The following LCORL variants were observed in gnomAD, a reference collection of about 807,000 sequenced individuals.
The protein encoded by LCORL is ligand dependent nuclear receptor corepressor like.
In LCORL, 41 loss-of-function variants were observed where a neutral mutation model predicts 141.8. The observed-to-expected ratio is 0.29, with a 90% CI of 0.23 to 0.38. The LOEUF (loss-of-function observed/expected upper bound fraction) is 0.38. Ranked by LOEUF, LCORL falls within the 10% of genes least tolerant of loss-of-function variation. The probability of loss-of-function intolerance (pLI) is 1.00; values close to 1 mark genes in which losing one functional copy is unlikely to be tolerated. For synonymous variants in LCORL, 618 were observed against 694.1 expected, an observed-to-expected ratio of 0.89 and a Z score of 1.72; for missense variants, 1,759 against 2,035.0, an observed-to-expected ratio of 0.86 and a Z score of 2.61.
chr4:17,851,314 G>A (rs920787084), intron 7 of LCORL, among the ~76,000 whole-genome samples: 1 of 151,910 alleles, frequency 6.6e-6, no homozygotes, highest in Non-Finnish European at 1.5e-5. Flanking sequence ...GTCATATAAT[G>A]GAAAGAAGTC....
At chr4:17,864,072 A>G (rs987462397) in intron 7 of LCORL, among the ~76,000 whole-genome samples, 4 of 152,310 alleles carry the variant, frequency 2.6e-5, no homozygotes, top group Non-Finnish European at 5.9e-5. Flanking sequence ...GGGTGATGAA[A>G]TAATCTATAC....
chr4:17,882,058 G>A lies in LCORL; in HGVS notation c.777-3845C>T, dbSNP rs138880564. ...TGAAGAGGGTTAAGTATAGATCTCAGAGACCAAATAACTGCTTGGTTGTGT... is the reference window on the plus strand; with the variant it reads ...TGAAGAGGGTTAAGTATAGATCTCAAAGACCAAATAACTGCTTGGTTGTGT... On this transcript the variant is annotated intron_variant, in intron 6 of 7. Transcript: ENST00000635767. 4.4e-5 allele frequency: 43 copies of A among 983,432 alleles called. No homozygotes were observed. The African/African-American group carries it at 6.3e-4, about 14-fold the overall frequency. The allele number at this position is 983,432 out of a possible 1,614,324, so 60.9% of individuals were successfully genotyped here.
chr4:18,013,561 A>C (rs1724135589), intron 1 of LCORL, among the ~76,000 whole-genome samples: 2 of 152,224 alleles, frequency 1.3e-5, no homozygotes, highest in South Asian at 4.1e-4. Flanking sequence ...ATTTGTGCCT[A>C]ATGTTACAAT....
chr4:17,944,958 C>T (rs1294014117), intron 4 of LCORL, among the ~76,000 whole-genome samples: 1 of 151,978 alleles, frequency 6.6e-6, no homozygotes, highest in Non-Finnish European at 1.5e-5. Flanking sequence ...CAATAGCAGA[C>T]AGTAAACTGC....
chr4:17,986,273 T>C (rs1560444789), intron 1 of LCORL, among the ~76,000 whole-genome samples: 1 of 152,184 alleles, frequency 6.6e-6, no homozygotes, highest in Non-Finnish European at 1.5e-5. Context: ...AGGGGTTCTC[T>C]GTATCTTCTG....
At chr4:17,928,113 T>C (rs1244451745) in intron 4 of LCORL, among the ~76,000 whole-genome samples, 1 of 152,142 alleles carries the variant, frequency 6.6e-6, no homozygotes, top group Non-Finnish European at 1.5e-5. Flanking sequence ...CATATAAAAA[T>C]CAGTCCACCC....
intron 1 of LCORL, among the ~76,000 whole-genome samples, chr4:17,981,863 C>A (rs1026967255): frequency 6.6e-6 from 1 of 151,974 alleles, no homozygotes; most frequent in East Asian, 1.9e-4. Context: ...AGCCTAATAC[C>A]CAATAGTTAT....
intron 5 of LCORL, among the ~76,000 whole-genome samples, chr4:17,889,507 C>T (rs971988818): frequency 6.6e-6 from 1 of 152,074 alleles, no homozygotes; most frequent in South Asian, 2.1e-4. Context: ...AGTTGCAATA[C>T]CATTAAGAAT....
exon 8 of LCORL, chr4:17,843,568 G>A: frequency 2.4e-6 from 2 of 850,504 alleles, no homozygotes; most frequent in South Asian, 1.8e-5. Context: ...ACTTTGGCCT[G>A]TATTAAAGCA....
chr4:17,931,344 T>C (rs1736006927), intron 4 of LCORL, among the ~76,000 whole-genome samples: 1 of 152,136 alleles, frequency 6.6e-6, no homozygotes, highest in Admixed American at 6.6e-5. Context: ...CTTTAATCTT[T>C]ATTATTTCCT....
intron 4 of LCORL, among the ~76,000 whole-genome samples, chr4:17,958,590 C>A (rs889643480): frequency 6.6e-6 from 1 of 151,948 alleles, no homozygotes; most frequent in Non-Finnish European, 1.5e-5. Flanking sequence ...TCCAAACAAA[C>A]TGGCTGATAT....
intron 7 of LCORL, among the ~76,000 whole-genome samples, chr4:17,846,578 T>C (rs761257857): frequency 2.6e-5 from 4 of 152,180 alleles, no homozygotes; most frequent in Non-Finnish European, 5.9e-5. Context: ...TTGTTTTTTC[T>C]GTTGAAAAAA....
intron 7 of LCORL, among the ~76,000 whole-genome samples, chr4:17,857,891 G>A (rs1305392464): frequency 6.6e-6 from 1 of 152,192 alleles, no homozygotes; most frequent in Non-Finnish European, 1.5e-5. Context: ...TCCCAGAACA[G>A]AGCCCAAGAA....
exon 8 of LCORL, chr4:17,843,520 T>A: frequency 7.1e-7 from 1 of 1,404,978 alleles, no homozygotes; most frequent in Non-Finnish European, 9.8e-7. Context: ...ACAAACCTGA[T>A]GTCTTTCTGA....
In LCORL at chr4:17,889,926, T is replaced by C. The variant is rs138149370; in HGVS notation, c.683-3765A>G. Among the ~76,000 whole-genome samples the C allele has an allele frequency of 3.3e-5, 5 of 152,174 alleles. No individual in the cohort carries two copies. The East Asian group carries it at 9.6e-4, about 29-fold the overall frequency. On this transcript the variant is annotated intron_variant, in intron 5 of 7. Coordinates refer to ENST00000635767, the Ensembl canonical transcript of LCORL. ...ACTCTTGGTAACCTCTCCCACCATT[T>C]TGTAGTGAATAATGTAGATAAAATT...
chr4:17,851,912 G>A (rs1723771666), intron 7 of LCORL, among the ~76,000 whole-genome samples: 1 of 152,016 alleles, frequency 6.6e-6, no homozygotes, highest in African/African-American at 2.4e-5. Flanking sequence ...TTTCTCTTAT[G>A]AATAAGGTTA....
chr4:17,959,085 A>G (rs1713262187), intron 4 of LCORL, among the ~76,000 whole-genome samples: 1 of 152,054 alleles, frequency 6.6e-6, no homozygotes, highest in Non-Finnish European at 1.5e-5. Context: ...TTTAAGTAAT[A>G]CGCTTCTTCC....
intron 1 of LCORL, among the ~76,000 whole-genome samples, chr4:18,012,736 T>G (rs529538219): frequency 5.3e-5 from 8 of 152,332 alleles, no homozygotes; most frequent in Middle Eastern, 3.4e-3. Context: ...CTATCCCATT[T>G]CTTTATCTAA....
At chr4:17,842,428 T>C in exon 8 of LCORL, 2 of 1,481,326 alleles carry the variant, frequency 1.4e-6, no homozygotes, top group Non-Finnish European at 1.9e-6. Flanking sequence ...TCACTTTTTA[T>C]TTCTACAAGT....
Sources: gnomAD v4.1 joint callset for allele counts (sites outside exome capture counted in the v4.1 genomes callset) on GRCh38, gnomAD v4.1.1 for gene constraint, MANE v1.5 for transcripts, NCBI Gene and HGNC (gene_info 2026-07-23, HGNC 2026-07-21) for gene names.